XDH: variants seen among roughly 807,000 people sequenced by gnomAD.
The protein encoded by XDH is xanthine dehydrogenase/oxidase.
In XDH, 138 loss-of-function variants were observed where a neutral mutation model predicts 156.1. That is an observed-to-expected ratio of 0.88 (90% confidence interval 0.77 to 1.02). The LOEUF (loss-of-function observed/expected upper bound fraction) is 1.02. Among genes scored for constraint, XDH ranks in the 50% least tolerant of loss-of-function variants. XDH has a pLI of 0.00. For synonymous variants in XDH, 669 were observed against 625.7 expected (o/e 1.07, Z -1.03); for missense variants, 1,849 against 1,684.9 (o/e 1.10, Z -1.71).
intron 4 of XDH, among the ~76,000 whole-genome samples, chr2:31,399,074 T>C (rs1686988612): frequency 6.6e-6 from 1 of 152,208 alleles, no homozygotes; most frequent in Admixed American, 6.5e-5. Flanking sequence ...AGCTTCTGAA[T>C]GGATTGGGTG....
intron 32 of XDH, 30 bp downstream of exon 32, chr2:31,342,153 C>T: frequency 2.5e-6 from 4 of 1,583,864 alleles, no homozygotes; most frequent in Non-Finnish European, 3.5e-6. Flanking sequence ...CTCTTTCCCA[C>T]TAAGTACTAA....
At chr2:31,349,940 C>T in intron 25 of XDH, 92 bp downstream of exon 25, 1 of 1,611,672 alleles carries the variant, frequency 6.2e-7, no homozygotes, top group East Asian at 2.2e-5. Context: ...TGCCTGTCAT[C>T]TGCCCCCATG....
At chr2:31,348,460 G>T in intron 27 of XDH, 97 bp from the exon 28 acceptor site, 1 of 1,178,830 alleles carries the variant, frequency 8.5e-7, no homozygotes, top group Non-Finnish European at 1.2e-6. Context: ...AAGAGAACCA[G>T]CAGCATTTTG....
chr2:31,336,613 G>T (rs1291093720), intron 35 of XDH, among the ~76,000 whole-genome samples: 1 of 151,368 alleles, frequency 6.6e-6, no homozygotes, highest in Non-Finnish European at 1.5e-5. Context: ...GTGCCACACG[G>T]TCTGTGTAGT....
chr2:31,349,755 C>A lies in XDH; in HGVS notation c.2900G>T (p.Arg967Ile), dbSNP rs767514515. 1.2e-6 allele frequency: 2 copies of A among 1,614,206 alleles called. No individual in the cohort carries two copies. Among genetic ancestry groups the A allele is most frequent in the Non-Finnish European group, 1.7e-6 (2 of 1,180,046 alleles). Residue 967 changes from arginine to isoleucine, a missense_variant, in exon 26 of 36, where the codon AGA (arginine) becomes ATA (isoleucine). By Grantham distance (97) the Arg-to-Ile change is moderately conservative. Coordinates refer to ENST00000379416, the MANE Select transcript of XDH (RefSeq NM_000379.4). ...GCTTGCTAGGCATTCTTCCCAGCAT[C>A]TGGGCAAGGTGAAACCCTCAAGCTT... ...NQKLEGFTLP[R>I]CWEECLASSQ...
intron 32 of XDH, 140 bp downstream of exon 32, chr2:31,342,043 T>C: frequency 1.3e-6 from 1 of 763,886 alleles, no homozygotes; most frequent in Non-Finnish European, 2.2e-6. Flanking sequence ...TCTGTGGCCC[T>C]TTATAGGATG....
At chr2:31,344,789 T>TG in intron 30 of XDH, 53 bp from the exon 31 acceptor site, 1 of 1,591,546 alleles carries the variant, frequency 6.3e-7, no homozygotes, top group Admixed American at 1.7e-5. Context: ...TCAGGAACCC[T>TG]GACCTGCCAC....
At chr2:31,384,896 G>A (rs1323779346) in intron 9 of XDH, among the ~76,000 whole-genome samples, 1 of 152,200 alleles carries the variant, frequency 6.6e-6, no homozygotes, top group Non-Finnish European at 1.5e-5. Context: ...AACACTCTGC[G>A]TTGACTGGAG....
intron 2 of XDH, among the ~76,000 whole-genome samples, chr2:31,403,962 G>A (rs1157200633): frequency 6.6e-6 from 1 of 152,084 alleles, no homozygotes; most frequent in Admixed American, 6.6e-5. Flanking sequence ...TCATTTTCAA[G>A]ACAAAATTTA....
Position 31,373,614 on chromosome 2 carries a change from T to TA in XDH, c.1686+258dup, listed in dbSNP as rs796871847. ...CTGGCTTTGTACATTATCCATCACGTAAAAAAAAAAAATCTGTAAGGAAGA... is the reference window on the plus strand; with the variant it reads ...CTGGCTTTGTACATTATCCATCACGTAAAAAAAAAAAAATCTGTAAGGAAGA... On this transcript the variant is annotated intron_variant, in intron 16 of 35. Transcript: ENST00000379416. Among the ~76,000 whole-genome samples the TA allele has an allele frequency of 2.1e-3, 306 of 144,954 alleles. 4 individuals are homozygous for TA. The highest frequency in any genetic ancestry group is 0.02 in the South Asian group (93 of 4,582).
intron 1 of XDH, among the ~76,000 whole-genome samples, chr2:31,407,973 A>G (rs1486533798): frequency 3.9e-5 from 6 of 152,144 alleles, no homozygotes; most frequent in African/African-American, 1.4e-4. Flanking sequence ...AGAGCCTCTT[A>G]GCTTACCACC....
chr2:31,388,667 T>C (rs1400857044), intron 6 of XDH, among the ~76,000 whole-genome samples: 1 of 152,174 alleles, frequency 6.6e-6, no homozygotes, highest in Non-Finnish European at 1.5e-5. Context: ...CTCTCAAGAC[T>C]CAAGAGGCTT....
At chr2:31,360,675 A>T (rs529295165) in intron 24 of XDH, among the ~76,000 whole-genome samples, 1 of 152,248 alleles carries the variant, frequency 6.6e-6, no homozygotes, top group Non-Finnish European at 1.5e-5. Flanking sequence ...GAAAAAACAT[A>T]GTCTATAAAG....
intron 30 of XDH, among the ~76,000 whole-genome samples, chr2:31,346,037 T>C (rs977443322): frequency 1.5e-4 from 23 of 152,210 alleles, no homozygotes; most frequent in African/African-American, 5.1e-4. Context: ...TTAAATCTAT[T>C]GAGGAAGATT....
At chr2:31,375,653 G>A in intron 14 of XDH, 99 bp from the exon 15 acceptor site, 1 of 1,442,252 alleles carries the variant, frequency 6.9e-7, no homozygotes, top group Non-Finnish European at 9.4e-7. Context: ...TACAAAGCTT[G>A]GTTCAAAATT....
At chr2:31,413,542 C>T (rs1687396296) in intron 1 of XDH, among the ~76,000 whole-genome samples, 1 of 152,114 alleles carries the variant, frequency 6.6e-6, no homozygotes, top group Admixed American at 6.5e-5. Context: ...TTACAGTCAC[C>T]CAAACACATC....
At chr2:31,373,235 A>T (rs899383034) in intron 16 of XDH, among the ~76,000 whole-genome samples, 1 of 152,210 alleles carries the variant, frequency 6.6e-6, no homozygotes, top group Admixed American at 6.5e-5. Context: ...GTGGACACAA[A>T]TTCAGGCAGT....
chr2:31,342,077 AT>A (rs1272345813), intron 32 of XDH, 105 bp downstream of exon 32: 3 of 1,049,138 alleles, frequency 2.9e-6, no homozygotes, highest in African/African-American at 3.1e-5. Flanking sequence ...AATGGAAGGC[AT>A]TATTTTTCCA....
At chr2:31,356,110 G>A (rs1340203108) in intron 24 of XDH, among the ~76,000 whole-genome samples, 1 of 152,030 alleles carries the variant, frequency 6.6e-6, no homozygotes. Context: ...TAAAAGAGCT[G>A]AAAAAGATAT....
Sources: allele counts gnomAD v4.1 joint callset (sites outside exome capture counted in the v4.1 genomes callset), GRCh38; gene constraint gnomAD v4.1.1; transcripts MANE v1.5; gene names NCBI Gene and HGNC (gene_info 2026-07-23, HGNC 2026-07-21).